Variants in PRSS8 observed in about 807,000 individuals in gnomAD.
The protein encoded by PRSS8 is serine protease 8, also known as prostasin.
PRSS8 carries 11 observed loss-of-function variants against 26.7 expected under a neutral mutation model. That is an observed-to-expected ratio of 0.41 (90% CI 0.26 to 0.68). The LOEUF is 0.68. Ranked by LOEUF, PRSS8 falls within the 30% of genes least tolerant of loss-of-function variation. The pLI is 0.30. For missense variants in PRSS8, 362 were observed against 443.5 expected, an observed-to-expected ratio of 0.82 and a Z score of 1.65; for synonymous variants, 183 against 187.0, an observed-to-expected ratio of 0.98 and a Z score of 0.17.
chr16:31,132,182 C>T lies in PRSS8; in HGVS notation c.859G>A (p.Glu287Lys). ...TGGGGCACCACACGAGGCTGGAGTTCTGTCACCTTGCTTTGGATCCAGGAG... is the reference window on the plus strand; with the variant it reads ...TGGGGCACCACACGAGGCTGGAGTTTTGTCACCTTGCTTTGGATCCAGGAG... The part of the protein sequence containing the change: ...YASWIQSKVT[E>K]LQPRVVPQTQ... The change falls in exon 6 of 6, where the codon GAA becomes AAA. Residue 287 changes from glutamate (E) to lysine (K), a missense_variant. Transcript: ENST00000317508. This position sits in a 1 kb window ranked among gnomAD's most constrained non-coding sequence, Gnocchi z 5.2. 6.2e-7 allele frequency: 1 copy of T among 1,613,942 alleles called. No homozygotes were observed. The highest frequency in any genetic ancestry group is 1.3e-5 in the African/African-American group (1 of 75,042).
chr16:31,132,079 A>G lies in PRSS8; in HGVS notation c.962T>C (p.Leu321Pro), dbSNP rs762808327. 1 of 1,606,432 alleles carries G rather than the reference A, an allele frequency of 6.2e-7. No homozygotes were observed. The highest frequency in any genetic ancestry group is 1.1e-5 in the South Asian group (1 of 89,772). ...AFSSAPAQGL[L>P]RPILFLPLGL... ...CAGAGGCAGGAAAAGGATGGGCCTC[A>G]GCAAGCCCTGGGCTGGGGCAGAGCT... is the stretch of plus-strand genomic sequence containing the variant. Residue 321 changes from leucine to proline, a missense_variant, in exon 6 of 6, where the codon CTG becomes CCG. By Grantham distance (98) the Leu-to-Pro change is moderately conservative. Coordinates refer to ENST00000317508, the MANE Select transcript of PRSS8 (RefSeq NM_002773.5). The surrounding 1 kb of genome is among the most constrained non-coding windows in gnomAD (Gnocchi z 5.2).
In PRSS8 at chr16:31,133,589, C is replaced by A. The variant is rs1325433867; in HGVS notation, c.104-201G>T. Among the ~76,000 whole-genome samples, 1 of 152,186 alleles carries A rather than the reference C, an allele frequency of 6.6e-6. No homozygotes were observed. Among genetic ancestry groups the A allele is most frequent in the Non-Finnish European group, 1.5e-5 (1 of 68,028 alleles). On this transcript the variant is annotated intron_variant, in intron 2 of 5. Transcript: ENST00000317508. The surrounding 1 kb of genome is among the most constrained non-coding windows in gnomAD (Gnocchi z 4.7). ...TCATGGCAGCTTCTCTCCTTGCAAG[C>A]CTTCCATCCATCCCGCCCCTTACAA...
At position 31,132,651 on chromosome 16, in the gene PRSS8, A is replaced by T. The variant is rs1474338611; in HGVS notation, c.538+31T>A. 1.2e-6 allele frequency: 2 copies of T among 1,613,208 alleles called. No individual in the cohort carries two copies. The highest frequency in any genetic ancestry group is 4.5e-5 in the East Asian group (2 of 44,860). On this transcript the variant is annotated intron_variant, in intron 4 of 5. Coordinates refer to ENST00000317508, the MANE Select transcript of PRSS8 (RefSeq NM_002773.5). This position sits in a 1 kb window ranked among gnomAD's most constrained non-coding sequence, Gnocchi z 5.2. ...CCCTCCCCAAGTCAGGTGCCCCTCCACACCTCTAGGCACCCAGCGTCCCAC... is the reference window on the plus strand; with the variant it reads ...CCCTCCCCAAGTCAGGTGCCCCTCCTCACCTCTAGGCACCCAGCGTCCCAC...
chr16:31,131,625 A>G lies in PRSS8; in HGVS notation c.*384T>C. 2.3e-6 allele frequency: 1 copy of G among 426,596 alleles called. No individual in the cohort carries two copies. Among genetic ancestry groups the G allele is most frequent in the Non-Finnish European group, 4.2e-6 (1 of 236,932 alleles). The allele number at this position is 426,596 out of a possible 1,614,324, so 26.4% of individuals were successfully genotyped here. On this transcript the variant is annotated 3_prime_UTR_variant, in exon 6 of 6. Transcript: ENST00000317508. ...CAAAGGTGGCCCCAGCCCAGAACACAGGGAGAGGGCAGAGAGATGTGCTCA... is the reference window on the plus strand; with the variant it reads ...CAAAGGTGGCCCCAGCCCAGAACACGGGGAGAGGGCAGAGAGATGTGCTCA...
In PRSS8 at chr16:31,133,031, G is replaced by C. The variant is rs1356735240; in HGVS notation, c.267-78C>G. The C allele has an allele frequency of 6.3e-7, 1 of 1,582,430 alleles. No homozygotes were observed. The highest frequency in any genetic ancestry group is 8.6e-7 in the Non-Finnish European group (1 of 1,165,474). ...ACCCCCACTGCCAACCCCTGATTCC[G>C]ATCAGCCCCTTTTAGGTCTCAAATT... On this transcript the variant is annotated intron_variant, in intron 3 of 5. Transcript: ENST00000317508. This position sits in a 1 kb window ranked among gnomAD's most constrained non-coding sequence, Gnocchi z 4.7.
rs1231894625 is a variant in PRSS8 at position 31,132,625 on chromosome 16, C to T, written c.539-30G>A. The T allele has an allele frequency of 3.1e-6, 5 of 1,613,154 alleles. No homozygotes were observed. The highest frequency in any genetic ancestry group is 4.2e-6 in the Non-Finnish European group (5 of 1,179,356). On this transcript the variant is annotated intron_variant, in intron 4 of 5. Transcript: ENST00000317508. The surrounding 1 kb of genome is among the most constrained non-coding windows in gnomAD (Gnocchi z 5.2). ...GGGGGTAAAAGAGGCTTACCCTGGG[C>T]CCCTCCCCAAGTCAGGTGCCCCTCC...
chr16:31,135,565 G>A lies in PRSS8; in HGVS notation c.-67C>T, dbSNP rs1596832059. 6 of 1,311,568 alleles carry A rather than the reference G, an allele frequency of 4.6e-6. No individual in the cohort carries two copies. Among genetic ancestry groups the A allele is most frequent in the Admixed American group, 2.8e-5 (1 of 35,524 alleles). 81.2% of individuals were successfully genotyped at this position (1,311,568 alleles called of 1,614,324 possible). On this transcript the variant is annotated 5_prime_UTR_variant, in exon 1 of 6. Coordinates refer to ENST00000317508, the MANE Select transcript of PRSS8 (RefSeq NM_002773.5). Reference sequence around the variant, plus strand: ...AGGTAGGAAGCCTTGGGGTGGTGTCGAAGGCAGGACCCAGATGTTGGCTCA... The same window carrying A: ...AGGTAGGAAGCCTTGGGGTGGTGTCAAAGGCAGGACCCAGATGTTGGCTCA...
At chr16:31,135,231 A>T (rs775107153) in intron 1 of PRSS8, 60 bp from the exon 2 acceptor site, 52 of 1,609,720 alleles carry the variant, frequency 3.2e-5, no homozygotes, top group Non-Finnish European at 4.3e-5. Flanking sequence ...CTGACCCCTT[A>T]GTACCCACCA....
Position 31,135,576 on chromosome 16 carries a change from C to G in PRSS8, c.-78G>C. On this transcript the variant is annotated 5_prime_UTR_variant, in exon 1 of 6. Transcript: ENST00000317508. Reference sequence around the variant, plus strand: ...CTTGGGGTGGTGTCGAAGGCAGGACCCAGATGTTGGCTCAGAGGGAAGGAT... The same window carrying G: ...CTTGGGGTGGTGTCGAAGGCAGGACGCAGATGTTGGCTCAGAGGGAAGGAT... 1 of 1,218,844 alleles carries G rather than the reference C, an allele frequency of 8.2e-7. No individual in the cohort carries two copies. Among genetic ancestry groups the G allele is most frequent in the Non-Finnish European group, 1.1e-6 (1 of 885,248 alleles). 75.5% of individuals were successfully genotyped at this position (1,218,844 alleles called of 1,614,324 possible).
Position 31,132,618 on chromosome 16 carries a change from C to A in PRSS8, c.539-23G>T. On this transcript the variant is annotated intron_variant, in intron 4 of 5. Transcript: ENST00000317508. This position sits in a 1 kb window ranked among gnomAD's most constrained non-coding sequence, Gnocchi z 5.2. ...TCACTGTGGGGGTAAAAGAGGCTTACCCTGGGCCCCTCCCCAAGTCAGGTG... is the reference window on the plus strand; with the variant it reads ...TCACTGTGGGGGTAAAAGAGGCTTAACCTGGGCCCCTCCCCAAGTCAGGTG... 6.2e-7 allele frequency: 1 copy of A among 1,613,426 alleles called. No homozygotes were observed.
Position 31,132,457 on chromosome 16 carries a change from T to G in PRSS8, c.677A>C (p.Tyr226Ser). ...GCAGGCGTCCTTGCCCCCCTCCACA[T>G]AGCCAGCACACACCATGTCCTCTTG... The part of the protein sequence containing the change: ...FVQEDMVCAG[Y>S]VEGGKDACQG... The change falls in exon 5 of 6, where the codon TAT becomes TCT. Residue 226 changes from tyrosine to serine, a missense_variant. By Grantham distance (144) the Tyr-to-Ser change is moderately radical. Transcript: ENST00000317508. This position sits in a 1 kb window ranked among gnomAD's most constrained non-coding sequence, Gnocchi z 5.2. The G allele has an allele frequency of 6.2e-7, 1 of 1,613,960 alleles. No individual in the cohort carries two copies. Among genetic ancestry groups the G allele is most frequent in the Non-Finnish European group, 8.5e-7 (1 of 1,179,844 alleles).
chr16:31,134,855 G>A (rs2057597484), intron 2 of PRSS8: 1 of 421,194 alleles, frequency 2.4e-6, no homozygotes, highest in Non-Finnish European at 4.4e-6. Flanking sequence ...CCTGGGTGAC[G>A]ACAGACCCAG....
chr16:31,134,956 C>T, intron 2 of PRSS8, 198 bp downstream of exon 2: 1 of 637,984 alleles, frequency 1.6e-6, no homozygotes, highest in Non-Finnish European at 2.7e-6. Context: ...CCCAGCTGCA[C>T]CTTCACTGGC....
chr16:31,132,135 G>A lies in PRSS8; in HGVS notation c.906C>T (p.Asp302=). Residue 302 remains aspartate (D), a synonymous_variant, in exon 6 of 6, where the codon GAC becomes GAT. Transcript: ENST00000317508. The surrounding 1 kb of genome is among the most constrained non-coding windows in gnomAD (Gnocchi z 5.2). ...CCAGGTGGCTGCCACAGAGGTTGCT[G>A]TCGGGCTGGGACTCCTGGGTTTGGG... ...VVPQTQESQP[D]SNLCGSHLAF... 1.2e-6 allele frequency: 2 copies of A among 1,613,660 alleles called. No individual in the cohort carries two copies. Among genetic ancestry groups the A allele is most frequent in the South Asian group, 1.1e-5 (1 of 91,002 alleles).
rs766342002 is a variant in PRSS8 at position 31,132,090 on chromosome 16, G to A, written c.951C>T (p.Ala317=). 6.2e-7 allele frequency: 1 copy of A among 1,609,262 alleles called. No individual in the cohort carries two copies. The highest frequency in any genetic ancestry group is 1.3e-5 in the African/African-American group (1 of 74,894). The change falls in exon 6 of 6, where the codon GCC becomes GCT. Residue 317 remains alanine (A), a synonymous_variant. Transcript: ENST00000317508. The surrounding 1 kb of genome is among the most constrained non-coding windows in gnomAD (Gnocchi z 5.2). ...GSHLAFSSAP[A]QGLLRPILFL... ...AAAGGATGGGCCTCAGCAAGCCCTG[G>A]GCTGGGGCAGAGCTGAAGGCCAGGT...
Position 31,135,672 on chromosome 16 carries a change from G to A in PRSS8, c.-174C>T. 3.2e-6 allele frequency: 2 copies of A among 615,776 alleles called. No individual in the cohort carries two copies. Among genetic ancestry groups the A allele is most frequent in the Admixed American group, 3.0e-5 (1 of 33,478 alleles). The allele number at this position is 615,776 out of a possible 1,614,324, so 38.1% of individuals were successfully genotyped here. A position where few individuals can be genotyped will look rare whatever the true frequency, so the allele number is the denominator to read the frequency against. ...CTCTAAGGCAGGGAGCGGCCGCAAC[G>A]GGAGACGCCTGGAGTATCCGAAGCG... On this transcript the variant is annotated 5_prime_UTR_variant, in exon 1 of 6. Coordinates refer to ENST00000317508, the MANE Select transcript of PRSS8 (RefSeq NM_002773.5).
chr16:31,133,433 C>T lies in PRSS8; in HGVS notation c.104-45G>A. ...AGGGGTCAGGTTGTTAGCCTGGCCA[C>T]TCCTATGCAGCCCAGGAGCTCTGAT... On this transcript the variant is annotated intron_variant, in intron 2 of 5. Transcript: ENST00000317508. This position sits in a 1 kb window ranked among gnomAD's most constrained non-coding sequence, Gnocchi z 4.7. The T allele has an allele frequency of 6.2e-7, 1 of 1,606,418 alleles. No individual in the cohort carries two copies. Among genetic ancestry groups the T allele is most frequent in the Non-Finnish European group, 8.5e-7 (1 of 1,177,930 alleles).
chr16:31,135,185 GAA>G lies in PRSS8; in HGVS notation c.86-16_86-15del, dbSNP rs1266385338. 2.5e-6 allele frequency: 4 copies of G among 1,612,752 alleles called. No homozygotes were observed. Among genetic ancestry groups the G allele is most frequent in the Non-Finnish European group, 3.4e-6 (4 of 1,179,458 alleles). On this transcript the variant is annotated splice_polypyrimidine_tract_variant and intron_variant, in intron 1 of 5. Transcript: ENST00000317508. ...CCCCTTCCGCTCCTAGAAAGAAAGA[GAA>G]AGAGGAGGGGTGAGTAGGGAAGACT... is the stretch of plus-strand genomic sequence containing the variant.
rs546622467 is a variant in PRSS8 at position 31,135,092 on chromosome 16, C to T, written c.103+62G>A. 6.5e-5 allele frequency: 104 copies of T among 1,590,080 alleles called. No homozygotes were observed. The African/African-American group carries it at 1.4e-3, about 21-fold the overall frequency. ...CTGAAGGCCAGGCACTGGTTAAACC[C>T]CAGGGGAATCCGATCCAAGTCACCT... On this transcript the variant is annotated intron_variant, in intron 2 of 5. Coordinates refer to ENST00000317508, the MANE Select transcript of PRSS8 (RefSeq NM_002773.5).
Sources: allele counts gnomAD v4.1 joint callset (sites outside exome capture counted in the v4.1 genomes callset), GRCh38; gene constraint gnomAD v4.1.1; non-coding constraint Gnocchi (gnomAD v3.1); transcripts MANE v1.5; gene names NCBI Gene and HGNC (gene_info 2026-07-23, HGNC 2026-07-21).